Variants in SMARCC1 observed in about 807,000 individuals in gnomAD.
SMARCC1 encodes the protein SWI/SNF related BAF chromatin remodeling complex subunit C1, also known as SWI/SNF complex subunit SMARCC1.
In SMARCC1, 43 loss-of-function variants were observed where a neutral mutation model predicts 147.4. The observed-to-expected ratio is 0.29, with a 90% CI of 0.23 to 0.38. The LOEUF (loss-of-function observed/expected upper bound fraction) is 0.38, where lower values mean the gene tolerates loss of function less well. Among genes scored for constraint, SMARCC1 ranks in the 10% least tolerant of loss-of-function variants. The probability of loss-of-function intolerance (pLI) is 1.00; values close to 1 mark genes in which losing one functional copy is unlikely to be tolerated. For missense variants in SMARCC1, 1,119 were observed against 1,381.1 expected (o/e 0.81, Z 3.01); for synonymous variants, 495 against 484.4 (o/e 1.02, Z -0.29).
intron 11 of SMARCC1, among the ~76,000 whole-genome samples, chr3:47,699,922 CTCTTT>C (rs1360122132): frequency 6.6e-6 from 1 of 151,634 alleles, no homozygotes; most frequent in African/African-American, 2.4e-5. Context: ...TTTTTTAATA[CTCTTT>C]TCTGTCTGTC....
In SMARCC1 at chr3:47,673,401, G is replaced by C. The variant is rs1257335024; in HGVS notation, c.1839+2074C>G. On this transcript the variant is annotated intron_variant, in intron 18 of 27. Coordinates refer to ENST00000254480, the MANE Select transcript of SMARCC1 (RefSeq NM_003074.4). ...ACTCTGTCTCAAAAAAAAAAGGGTG[G>C]GGGGGGGGCAGGCCAGTGGCTCAGG... Among the ~76,000 whole-genome samples, 20 of 136,400 alleles carry C rather than the reference G, an allele frequency of 1.5e-4. 3 individuals carry two copies. The highest frequency in any genetic ancestry group is 8.3e-4 in the South Asian group (3 of 3,616). 89.5% of individuals were successfully genotyped at this position (136,400 alleles called of 152,430 possible). A position where few individuals can be genotyped will look rare whatever the true frequency, so the allele number is the denominator to read the frequency against.
intron 24 of SMARCC1, among the ~76,000 whole-genome samples, chr3:47,632,284 G>A (rs541669325): frequency 2.6e-5 from 4 of 152,106 alleles, no homozygotes; most frequent in African/African-American, 9.6e-5. Context: ...ACATCATGAA[G>A]GATTTGTGAA....
At chr3:47,635,873 A>C (rs1196385091) in intron 23 of SMARCC1, 149 bp downstream of exon 23, 3 of 569,790 alleles carry the variant, frequency 5.3e-6, no homozygotes, top group Non-Finnish European at 9.2e-6. Flanking sequence ...ATTAGCACCT[A>C]TCTGAATGAA....
At chr3:47,632,892 T>C (rs1159253861) in intron 24 of SMARCC1, among the ~76,000 whole-genome samples, 2 of 151,876 alleles carry the variant, frequency 1.3e-5, no homozygotes, top group African/African-American at 2.4e-5. Context: ...GGGAGGTTAC[T>C]GAAGAAAGTA....
At chr3:47,643,874 T>C (rs1461305715) in intron 21 of SMARCC1, among the ~76,000 whole-genome samples, 2 of 152,008 alleles carry the variant, frequency 1.3e-5, no homozygotes, top group East Asian at 3.8e-4. Context: ...AAAAACTAAA[T>C]TAAATGCAGA....
chr3:47,639,488 T>A (rs763435950), intron 21 of SMARCC1, among the ~76,000 whole-genome samples: 1 of 152,116 alleles, frequency 6.6e-6, no homozygotes, highest in Non-Finnish European at 1.5e-5. Flanking sequence ...CCGAGGCGGC[T>A]GCATCACAAG....
At chr3:47,710,039 G>A (rs1336883683) in intron 9 of SMARCC1, among the ~76,000 whole-genome samples, 1 of 151,802 alleles carries the variant, frequency 6.6e-6, no homozygotes, top group Non-Finnish European at 1.5e-5. Context: ...TAAACAGGTC[G>A]GGTGTGGTGG....
At chr3:47,701,737 C>A in intron 10 of SMARCC1, 1 of 213,198 alleles carries the variant, frequency 4.7e-6, no homozygotes. Flanking sequence ...TCGCTTGAAC[C>A]CGGAAGGTGG....
intron 21 of SMARCC1, among the ~76,000 whole-genome samples, chr3:47,659,871 C>T (rs894315530): frequency 6.7e-6 from 1 of 150,090 alleles, no homozygotes; most frequent in African/African-American, 2.5e-5. Context: ...CAAACCCCAA[C>T]ATCAAACCAC....
At chr3:47,664,060 T>C (rs1002021873) in intron 19 of SMARCC1, 8 of 533,162 alleles carry the variant, frequency 1.5e-5, no homozygotes, top group African/African-American at 1.3e-4. Flanking sequence ...GGGGAGGAAG[T>C]GACCCTTTGC....
chr3:47,632,566 C>A (rs1420359494), intron 24 of SMARCC1, among the ~76,000 whole-genome samples: 1 of 152,098 alleles, frequency 6.6e-6, no homozygotes, highest in Non-Finnish European at 1.5e-5. Context: ...AATCCTGACA[C>A]ATTGAGAGGT....
intron 6 of SMARCC1, among the ~76,000 whole-genome samples, chr3:47,723,083 G>C (rs1276265375): frequency 1.3e-5 from 2 of 152,094 alleles, no homozygotes; most frequent in African/African-American, 4.8e-5. Context: ...ATAAGGAGAC[G>C]GTTACAGCTA....
chr3:47,719,681 C>A (rs1048741871), intron 7 of SMARCC1, among the ~76,000 whole-genome samples: 10 of 151,766 alleles, frequency 6.6e-5, no homozygotes, highest in Non-Finnish European at 1.3e-4. Context: ...CCAGCCTGGG[C>A]GACAAAGCGG....
chr3:47,776,330 G>A (rs369278771), intron 1 of SMARCC1, among the ~76,000 whole-genome samples: 4 of 152,112 alleles, frequency 2.6e-5, no homozygotes, highest in South Asian at 2.1e-4. Flanking sequence ...GGCTGTGCAC[G>A]GAGGATCACA....
chr3:47,638,183 C>T (rs918638171), intron 22 of SMARCC1, among the ~76,000 whole-genome samples: 7 of 152,158 alleles, frequency 4.6e-5, no homozygotes, highest in Admixed American at 1.3e-4. Flanking sequence ...CTCTGTCTCT[C>T]CCGGGTTCAC....
At chr3:47,750,805 A>G (rs2034620076) in intron 2 of SMARCC1, among the ~76,000 whole-genome samples, 2 of 152,200 alleles carry the variant, frequency 1.3e-5, no homozygotes, top group African/African-American at 4.8e-5. Flanking sequence ...GCTGGCCATA[A>G]CAATAAAACA....
At chr3:47,749,690 CAAAGTGAGACCCTCTAAATTAA>C (rs1559662226) in intron 2 of SMARCC1, among the ~76,000 whole-genome samples, 55 of 148,906 alleles carry the variant, frequency 3.7e-4, no homozygotes, top group Middle Eastern at 3.4e-3. Context: ...CACACACACA[CAAAGTGAGACCCTCTAAATTAA>C]ACACACACAC....
At chr3:47,660,956 A>C (rs2033338004) in intron 21 of SMARCC1, among the ~76,000 whole-genome samples, 1 of 152,202 alleles carries the variant, frequency 6.6e-6, no homozygotes, top group African/African-American at 2.4e-5. Context: ...GCAACATATA[A>C]ATTAACATAA....
At chr3:47,748,314 A>G (rs1470266475) in intron 2 of SMARCC1, among the ~76,000 whole-genome samples, 1 of 152,048 alleles carries the variant, frequency 6.6e-6, no homozygotes, top group African/African-American at 2.4e-5. Context: ...TCTGGGTTCA[A>G]GGAATTCTCG....
Sources: gnomAD v4.1 joint callset for allele counts (sites outside exome capture counted in the v4.1 genomes callset) on GRCh38, gnomAD v4.1.1 for gene constraint, MANE v1.5 for transcripts, NCBI Gene and HGNC (gene_info 2026-07-23, HGNC 2026-07-21) for gene names.